Variants in DNAJC16 observed in about 807,000 individuals in gnomAD.
DNAJC16 encodes dnaJ homolog subfamily C member 16.
Under a neutral mutation model 92.7 loss-of-function variants are expected in DNAJC16, and 76 were observed. The observed-to-expected ratio is 0.82, with a 90% confidence interval of 0.68 to 0.99. The LOEUF is 0.99. Ranked by LOEUF, DNAJC16 falls within the 50% of genes least tolerant of loss-of-function variation. The pLI, the probability that DNAJC16 is intolerant of heterozygous loss-of-function variation, is 0.00. For missense variants in DNAJC16, 869 were observed against 942.4 expected (o/e 0.92, Z 1.02); for synonymous variants, 328 against 358.7 (o/e 0.91, Z 0.97).
At chr1:15,532,254 A>G (rs1253563947) in intron 2 of DNAJC16, among the ~76,000 whole-genome samples, 1 of 152,224 alleles carries the variant, frequency 6.6e-6, no homozygotes, top group Non-Finnish European at 1.5e-5. Flanking sequence ...TTTAAGAGGT[A>G]ACTAGAGAGC....
Position 15,568,280 on chromosome 1 carries a change from T to C in DNAJC16, c.*103T>C, listed in dbSNP as rs1047213035. On this transcript the variant is annotated 3_prime_UTR_variant, in exon 15 of 15. Transcript: ENST00000375847. The stretch of plus-strand genomic sequence containing the variant: ...TACCACAATGAACAGAGTATAGATT[T>C]TAGATTGCTCTTCTAGAACCATGGC... 47 of 1,008,088 alleles carry C rather than the reference T, an allele frequency of 4.7e-5. No homozygotes were observed. The highest frequency in any genetic ancestry group is 6.2e-5 in the Non-Finnish European group (42 of 681,914). 62.4% of individuals were successfully genotyped at this position (1,008,088 alleles called of 1,614,324 possible).
At position 15,566,350 on chromosome 1, in the gene DNAJC16, C is replaced by G. The variant is rs1292208482; in HGVS notation, c.1778+170C>G. ...CACTGTGATTTGTGTTTACTAAGACCCTGTAGGTGTTTAGATGCCTTAGAT... is the reference window on the plus strand; with the variant it reads ...CACTGTGATTTGTGTTTACTAAGACGCTGTAGGTGTTTAGATGCCTTAGAT... On this transcript the variant is annotated intron_variant, in intron 13 of 14. Coordinates refer to ENST00000375847, the MANE Select transcript of DNAJC16 (RefSeq NM_015291.4). 10 of 610,120 alleles carry G rather than the reference C, an allele frequency of 1.6e-5. No homozygotes were observed. The South Asian group carries it at 1.9e-4, about 12-fold the overall frequency. 37.8% of individuals were successfully genotyped at this position (610,120 alleles called of 1,614,324 possible).
chr1:15,532,213 G>A (rs144862451), intron 2 of DNAJC16, among the ~76,000 whole-genome samples: 4 of 152,252 alleles, frequency 2.6e-5, no homozygotes, highest in African/African-American at 9.6e-5. Flanking sequence ...ATTCTTTGCT[G>A]TATTACCTTC....
rs560364271 is a variant in DNAJC16 at position 15,568,798 on chromosome 1, C to T, written c.*621C>T. 13 of 398,322 alleles carry T rather than the reference C, an allele frequency of 3.3e-5. No homozygotes were observed. The highest frequency in any genetic ancestry group is 2.5e-4 in the East Asian group (7 of 28,066). 24.7% of individuals were successfully genotyped at this position (398,322 alleles called of 1,614,324 possible). On this transcript the variant is annotated 3_prime_UTR_variant, in exon 15 of 15. Coordinates refer to ENST00000375847, the MANE Select transcript of DNAJC16 (RefSeq NM_015291.4). ...ACAGGTTGAAAAGGAAAGGAATAAA[C>T]GGGAGTTCTGCATGTGAGTTCTCAA... is the stretch of plus-strand genomic sequence containing the variant.
intron 14 of DNAJC16, 104 bp from the exon 15 acceptor site, chr1:15,567,674 C>T: frequency 7.8e-7 from 1 of 1,285,660 alleles, no homozygotes; most frequent in East Asian, 2.3e-5. Flanking sequence ...CCATCCAACA[C>T]AAAGCGTTTT....
intron 11 of DNAJC16, among the ~76,000 whole-genome samples, chr1:15,564,907 T>C (rs1173215517): frequency 2.6e-5 from 4 of 151,718 alleles, no homozygotes; most frequent in South Asian, 2.1e-4. Context: ...CGATCTCAGC[T>C]CACTGCAACC....
chr1:15,536,828 A>G lies in DNAJC16; in HGVS notation c.574+14A>G. The stretch of plus-strand genomic sequence containing the variant: ...TGGAAGAATTGGGTAAGATAATTTT[A>G]TTCACTGAAAGATATTTATATAGAT... On this transcript the variant is annotated intron_variant, in intron 4 of 14. Transcript: ENST00000375847. The G allele has an allele frequency of 3.2e-6, 5 of 1,578,766 alleles. No individual in the cohort carries two copies. Among genetic ancestry groups the G allele is most frequent in the Non-Finnish European group, 4.3e-6 (5 of 1,166,900 alleles).
intron 4 of DNAJC16, among the ~76,000 whole-genome samples, chr1:15,539,396 T>C (rs113176623): frequency 0.011 from 1,742 of 151,640 alleles, 39 homozygotes; most frequent in African/African-American, 0.039. Context: ...CAGGCACCCA[T>C]CACCACGCCC....
chr1:15,540,541 C>T (rs1196880836), intron 4 of DNAJC16, among the ~76,000 whole-genome samples: 1 of 152,164 alleles, frequency 6.6e-6, no homozygotes, highest in Non-Finnish European at 1.5e-5. Flanking sequence ...CTTGCCAACT[C>T]TGTCACCCTG....
intron 5 of DNAJC16, among the ~76,000 whole-genome samples, chr1:15,545,667 G>A (rs985887873): frequency 6.6e-6 from 1 of 152,200 alleles, no homozygotes; most frequent in Admixed American, 6.5e-5. Context: ...GGAGGGGGAT[G>A]GAGAGGTTAT....
intron 4 of DNAJC16, among the ~76,000 whole-genome samples, chr1:15,542,681 C>G (rs1039159883): frequency 6.6e-6 from 1 of 152,194 alleles, no homozygotes; most frequent in African/African-American, 2.4e-5. Flanking sequence ...GGACTGAACC[C>G]TTCACCTGCA....
Position 15,566,159 on chromosome 1 carries a change from G to C in DNAJC16, c.1757G>C (p.Ser586Thr). The change falls in exon 13 of 15, where the codon AGC (serine) becomes ACC (threonine). Residue 586 changes from serine to threonine, a missense_variant. By Grantham distance (58) the Ser-to-Thr change is moderately conservative (BLOSUM62 1). Transcript: ENST00000375847. ...GAGAAGACTGGGAAAACTGAGCCAAGCTTCACCAAAGAAAACAGCAGGTTT... is the reference window on the plus strand; with the variant it reads ...GAGAAGACTGGGAAAACTGAGCCAACCTTCACCAAAGAAAACAGCAGGTTT... ...AQEKTGKTEP[S>T]FTKENSSKIP... The C allele has an allele frequency of 6.2e-7, 1 of 1,614,008 alleles. No individual in the cohort carries two copies. The highest frequency in any genetic ancestry group is 8.5e-7 in the Non-Finnish European group (1 of 1,180,012).
chr1:15,527,155 A>G (rs3795760), intron 1 of DNAJC16, among the ~76,000 whole-genome samples, 197 bp downstream of exon 1: 89,129 of 151,894 alleles, frequency 0.59, 26,815 homozygotes, highest in African/African-American at 0.71. Context: ...GACCTCCGGC[A>G]GGAGCGCGAG....
intron 11 of DNAJC16, 75 bp downstream of exon 11, chr1:15,564,434 C>G (rs1179574255): frequency 1.0e-6 from 1 of 989,228 alleles, no homozygotes; most frequent in Non-Finnish European, 1.6e-6. Context: ...GAAAAGAGTT[C>G]ATCATTATTA....
chr1:15,559,992 G>A (rs60179695), intron 8 of DNAJC16: 42,305 of 156,630 alleles, frequency 0.27, 6,672 homozygotes, highest in African/African-American at 0.42. Flanking sequence ...GAACCTGGGA[G>A]GCAGAGGTTG....
intron 3 of DNAJC16, among the ~76,000 whole-genome samples, chr1:15,534,546 ACC>A (rs869044181): frequency 6.6e-6 from 1 of 151,646 alleles, no homozygotes; most frequent in African/African-American, 2.4e-5. Context: ...ACATGCTGAA[ACC>A]CTGTCTTTAC....
chr1:15,530,360 T>C (rs1468841790), intron 2 of DNAJC16, among the ~76,000 whole-genome samples: 1 of 151,968 alleles, frequency 6.6e-6, no homozygotes, highest in East Asian at 1.9e-4. Context: ...AAAAAAAACT[T>C]ACAGAAAATT....
intron 7 of DNAJC16, among the ~76,000 whole-genome samples, chr1:15,557,542 TCTA>T (rs1164409125): frequency 7.1e-6 from 1 of 141,358 alleles, no homozygotes; most frequent in Non-Finnish European, 1.5e-5. Flanking sequence ...TTATTTCCTT[TCTA>T]CTTTTATATT....
intron 1 of DNAJC16, 103 bp from the exon 2 acceptor site, chr1:15,528,985 T>G: frequency 1.0e-6 from 1 of 980,862 alleles, no homozygotes; most frequent in Non-Finnish European, 1.5e-6. Flanking sequence ...AAAATACCTT[T>G]TGTTGGTTTT....
Sources: gnomAD v4.1 joint callset for allele counts (sites outside exome capture counted in the v4.1 genomes callset) on GRCh38, gnomAD v4.1.1 for gene constraint, MANE v1.5 for transcripts, NCBI Gene and HGNC (gene_info 2026-07-23, HGNC 2026-07-21) for gene names.